PHAF1: variants seen among roughly 807,000 people sequenced by gnomAD.
PHAF1 encodes the protein phagosome assembly factor 1.
Under a neutral mutation model 63.1 loss-of-function variants are expected in PHAF1, and 23 were observed. That is an observed-to-expected ratio of 0.36 (90% CI 0.26 to 0.52). The LOEUF is 0.52. Among genes scored for constraint, PHAF1 ranks in the 20% least tolerant of loss-of-function variants. PHAF1 has a pLI of 0.93. For synonymous variants in PHAF1, 167 were observed against 185.0 expected (o/e 0.90, Z 0.79); for missense variants, 427 against 517.2 (o/e 0.83, Z 1.69).
Position 67,110,126 on chromosome 16 carries a change from C to A in PHAF1, c.-50C>A, listed in dbSNP as rs1962446511. ...GCTGCTTTGTCTCCTTAGCTCGGGT[C>A]CCTTCTGCGCTGCCGCAGGGAGGCC... On this transcript the variant is annotated 5_prime_UTR_variant, in exon 1 of 16. Transcript: ENST00000219139. 2 of 1,544,542 alleles carry A rather than the reference C, an allele frequency of 1.3e-6. No homozygotes were observed. Among genetic ancestry groups the A allele is most frequent in the Admixed American group, 3.9e-5 (2 of 50,942 alleles).
chr16:67,122,338 A>G (rs1027861216), intron 2 of PHAF1, among the ~76,000 whole-genome samples: 1 of 152,208 alleles, frequency 6.6e-6, no homozygotes, highest in Non-Finnish European at 1.5e-5. Flanking sequence ...TTGACCAGGC[A>G]CTGTGGCTCA....
At chr16:67,110,967 A>C (rs760048067) in intron 1 of PHAF1, among the ~76,000 whole-genome samples, 2 of 152,028 alleles carry the variant, frequency 1.3e-5, no homozygotes, top group Non-Finnish European at 2.9e-5. Context: ...ACGCGCCACC[A>C]CACCCGGCTA....
At chr16:67,125,336 G>A (rs1392000582) in intron 2 of PHAF1, among the ~76,000 whole-genome samples, 1 of 152,142 alleles carries the variant, frequency 6.6e-6, no homozygotes, top group Non-Finnish European at 1.5e-5. Context: ...GGCTTTTCAG[G>A]AAGAAGCACA....
intron 3 of PHAF1, 56 bp from the exon 4 acceptor site, chr16:67,131,220 TATTTTTAATC>T (rs943370295): frequency 1.1e-6 from 1 of 890,932 alleles, no homozygotes; most frequent in Non-Finnish European, 1.7e-6. Context: ...TCTATAAATG[TATTTTTAATC>T]ATTTTTAGTC....
At chr16:67,134,846 A>G (rs576851456) in intron 8 of PHAF1, 1 of 391,298 alleles carries the variant, frequency 2.6e-6, no homozygotes, top group East Asian at 7.1e-5. Flanking sequence ...TTCTAATACC[A>G]TCACCTTGGT....
rs1962813524 is a variant in PHAF1, at chr16:67,118,067, G to T, written c.65-2045G>T. Among the ~76,000 whole-genome samples, 4 of 146,566 alleles carry T rather than the reference G, an allele frequency of 2.7e-5. No homozygotes were observed. The South Asian group carries it at 8.7e-4, about 32-fold the overall frequency. ...CCTCCCAGGTTCATGCCATTCTCCT[G>T]TCTCAGCCTCCCAAGTAACTATGGG... On this transcript the variant is annotated intron_variant, in intron 1 of 15. Transcript: ENST00000219139.
chr16:67,140,247 T>C (rs1366902613), intron 9 of PHAF1, 130 bp downstream of exon 9: 9 of 1,241,358 alleles, frequency 7.3e-6, no homozygotes, highest in Non-Finnish European at 8.8e-6. Context: ...AATTGAAAAC[T>C]GTTTTCTAAC....
At chr16:67,119,849 C>G (rs950836315) in intron 1 of PHAF1, among the ~76,000 whole-genome samples, 1 of 152,068 alleles carries the variant, frequency 6.6e-6, no homozygotes, top group Non-Finnish European at 1.5e-5. Flanking sequence ...TTTGTGATAT[C>G]CACCACCACA....
intron 3 of PHAF1, among the ~76,000 whole-genome samples, chr16:67,128,495 G>A (rs2145852493): frequency 6.6e-6 from 1 of 152,242 alleles, no homozygotes. Context: ...CTCTTCTGAT[G>A]CTGCCTCCTA....
Position 67,109,997 on chromosome 16 carries a change from G to T in PHAF1, c.-179G>T, listed in dbSNP as rs540235274. 8.3e-5 allele frequency: 50 copies of T among 603,608 alleles called. No individual in the cohort carries two copies. In the East Asian group the frequency reaches 1.2e-3, roughly 14 times the overall value. The allele number at this position is 603,608 out of a possible 1,614,324, so 37.4% of individuals were successfully genotyped here. A position where few individuals can be genotyped will look rare whatever the true frequency, so the allele number is the denominator to read the frequency against. ...CTGCCGCGGCTGCTGCAGGTGAGGT[G>T]AAGTGAGGTGAGGTGTGGTGTTGGG... On this transcript the variant is annotated 5_prime_UTR_variant, in exon 1 of 16. Transcript: ENST00000219139.
intron 6 of PHAF1, 43 bp from the exon 7 acceptor site, chr16:67,134,125 C>G (rs775758356): frequency 6.6e-7 from 1 of 1,510,452 alleles, no homozygotes; most frequent in Admixed American, 1.7e-5. Context: ...TGAGTCCCAT[C>G]ACCTGTTGTG....
At chr16:67,132,764 C>G in intron 5 of PHAF1, 53 bp from the exon 6 acceptor site, 4 of 1,473,694 alleles carry the variant, frequency 2.7e-6, no homozygotes, top group Non-Finnish European at 3.8e-6. Context: ...TTTATGTTAG[C>G]CATTTCAGAT....
Position 67,146,374 on chromosome 16 carries a change from TAA to T in PHAF1, c.1182+26_1182+27del, listed in dbSNP as rs369183541. On this transcript the variant is annotated intron_variant, in intron 15 of 15. Transcript: ENST00000219139. Reference sequence around the variant, plus strand: ...AGGTAAGCTGTGGAAGCCCTAGAAATAAACTGCCTGGGGGGTTGCTGGTCATG... The same window carrying T: ...AGGTAAGCTGTGGAAGCCCTAGAAATACTGCCTGGGGGGTTGCTGGTCATG... The T allele has an allele frequency of 3.2e-5, 52 of 1,606,342 alleles. No individual in the cohort carries two copies. The African/African-American group carries it at 6.4e-4, about 20-fold the overall frequency.
chr16:67,122,154 C>T (rs561409487), intron 2 of PHAF1, among the ~76,000 whole-genome samples: 28 of 152,228 alleles, frequency 1.8e-4, no homozygotes, highest in Non-Finnish European at 2.8e-4. Context: ...CCCACCTCAG[C>T]CTCCCAAAGT....
At chr16:67,119,222 C>G (rs1232791810) in intron 1 of PHAF1, among the ~76,000 whole-genome samples, 1 of 152,198 alleles carries the variant, frequency 6.6e-6, no homozygotes, top group African/African-American at 2.4e-5. Flanking sequence ...GGACCAAAAC[C>G]TGGGTCTGCA....
intron 6 of PHAF1, 55 bp downstream of exon 6, chr16:67,132,966 C>G (rs893663287): frequency 3.4e-5 from 47 of 1,387,616 alleles, no homozygotes; most frequent in Non-Finnish European, 3.9e-5. Flanking sequence ...TATGGCTCAG[C>G]AGATGGTGTC....
At position 67,147,022 on chromosome 16, in the gene PHAF1, C is replaced by G. The variant is rs371124323; in HGVS notation, c.1183-23C>G. Reference sequence around the variant, plus strand: ...CATCCCTTTACCTCTCCCCCTTGACCCACTGTCCTCTTCTCACACCAGGTC... The same window carrying G: ...CATCCCTTTACCTCTCCCCCTTGACGCACTGTCCTCTTCTCACACCAGGTC... On this transcript the variant is annotated intron_variant, in intron 15 of 15. Coordinates refer to ENST00000219139, the MANE Select transcript of PHAF1 (RefSeq NM_025187.5). 17 of 1,595,588 alleles carry G rather than the reference C, an allele frequency of 1.1e-5. No homozygotes were observed. In the African/African-American group the frequency reaches 2.0e-4, roughly 19 times the overall value.
At chr16:67,133,076 A>T (rs1262704505) in intron 6 of PHAF1, 165 bp downstream of exon 6, 8 of 632,516 alleles carry the variant, frequency 1.3e-5, no homozygotes, top group Admixed American at 8.3e-5. Context: ...GGGTGGGTTG[A>T]CAGAGGAAGA....
chr16:67,139,718 C>A lies in PHAF1; in HGVS notation c.662-266C>A, dbSNP rs1963735164. ...GCACAATGTCCTAGCCCATGGTAGG[C>A]AATAAAGTAGTGAATGAATAAGTGA... On this transcript the variant is annotated intron_variant, in intron 8 of 15. Transcript: ENST00000219139. The A allele has an allele frequency of 6.8e-6, 3 of 441,830 alleles. No homozygotes were observed. In the Admixed American group the frequency reaches 1.2e-4, roughly 17 times the overall value. The allele number at this position is 441,830 out of a possible 1,614,324, so 27.4% of individuals were successfully genotyped here.
Sources: gnomAD v4.1 joint callset for allele counts (sites outside exome capture counted in the v4.1 genomes callset) on GRCh38, gnomAD v4.1.1 for gene constraint, MANE v1.5 for transcripts, NCBI Gene and HGNC (gene_info 2026-07-23, HGNC 2026-07-21) for gene names.